The following OCA2 variants were observed in gnomAD, a reference collection of about 807,000 sequenced individuals.
OCA2 encodes OCA2 melanosomal transmembrane protein.
OCA2 carries 77 observed loss-of-function variants against 100.2 expected under a neutral mutation model. The ratio of observed to expected loss-of-function variants is 0.77; its 90% confidence interval spans 0.64 to 0.93. The LOEUF (loss-of-function observed/expected upper bound fraction) is 0.93, where lower values mean the gene tolerates loss of function less well. Among genes scored for constraint, OCA2 ranks in the 40% least tolerant of loss-of-function variants. The probability of loss-of-function intolerance (pLI) is 0.00; values close to 1 mark genes in which losing one functional copy is unlikely to be tolerated. For synonymous variants in OCA2, 432 were observed against 439.2 expected (o/e 0.98, Z 0.21); for missense variants, 1,062 against 1,089.1 (o/e 0.98, Z 0.35).
At chr15:27,749,726 C>T in the OCA2 span, among the ~76,000 whole-genome samples, 1 of 152,096 alleles carries the variant, frequency 6.6e-6, no homozygotes, top group Non-Finnish European at 1.5e-5. Flanking sequence ...ATTTAAAACA[C>T]AGTACCTTTC....
chr15:27,912,704 G>C (rs969660974), intron 19 of OCA2, among the ~76,000 whole-genome samples: 3 of 152,190 alleles, frequency 2.0e-5, no homozygotes, highest in African/African-American at 7.2e-5. Flanking sequence ...CAGTCATAAT[G>C]ATTAGAGGCA....
intron 14 of OCA2, among the ~76,000 whole-genome samples, chr15:27,967,715 C>T (rs560016448): frequency 2.8e-4 from 42 of 152,350 alleles, no homozygotes; most frequent in African/African-American, 1.0e-3. Context: ...CTTCCCGGCA[C>T]GCTTCCTTTG....
At chr15:27,871,117 TA>T (rs2036551404) in intron 21 of OCA2, 36 bp downstream of exon 21, 1 of 1,498,368 alleles carries the variant, frequency 6.7e-7, no homozygotes, top group African/African-American at 1.4e-5. Flanking sequence ...ATGTCCAGGC[TA>T]AAGTTGAGCC....
intron 23 of OCA2, among the ~76,000 whole-genome samples, chr15:27,768,037 C>T (rs368237575): frequency 2.6e-5 from 4 of 152,132 alleles, no homozygotes; most frequent in African/African-American, 7.2e-5. Context: ...CAGGAAGGCC[C>T]GGCTTCCAGC....
chr15:27,999,770 C>T (rs963377761), intron 9 of OCA2, among the ~76,000 whole-genome samples: 3 of 152,088 alleles, frequency 2.0e-5, no homozygotes, highest in Admixed American at 6.6e-5. Flanking sequence ...TCAGTAAATT[C>T]GTAGGATACA....
intron 9 of OCA2, among the ~76,000 whole-genome samples, chr15:28,011,788 C>T (rs907206417): frequency 3.3e-5 from 5 of 151,802 alleles, no homozygotes; most frequent in South Asian, 2.1e-4. Flanking sequence ...TGTGGTGGCA[C>T]GCACCTGTAG....
At chr15:27,734,394 A>G in the OCA2 span, among the ~76,000 whole-genome samples, 1 of 151,858 alleles carries the variant, frequency 6.6e-6, no homozygotes, top group Admixed American at 6.6e-5. Context: ...CATTACCCAC[A>G]TCATGCCTTT....
At chr15:27,963,564 G>A (rs2040472754) in intron 15 of OCA2, among the ~76,000 whole-genome samples, 1 of 152,002 alleles carries the variant, frequency 6.6e-6, no homozygotes, top group Non-Finnish European at 1.5e-5. Flanking sequence ...AAGATAATTT[G>A]AACTGAATGA....
chr15:27,771,752 A>G (rs1235235995), intron 23 of OCA2, among the ~76,000 whole-genome samples: 2 of 152,020 alleles, frequency 1.3e-5, no homozygotes, highest in Non-Finnish European at 2.9e-5. Context: ...CTGCTACTGT[A>G]TTCCCTTTTT....
intron 9 of OCA2, among the ~76,000 whole-genome samples, chr15:27,997,253 G>A (rs926233612): frequency 2.6e-5 from 4 of 151,510 alleles, no homozygotes; most frequent in Admixed American, 1.3e-4. Context: ...AAGAAAGAAA[G>A]AAAGAAAGGG....
chr15:27,838,280 C>A (rs982430261), intron 23 of OCA2, among the ~76,000 whole-genome samples: 5 of 152,026 alleles, frequency 3.3e-5, no homozygotes, highest in Non-Finnish European at 5.9e-5. Flanking sequence ...AGAAAAACAC[C>A]AAATCATGTA....
intron 3 of OCA2, among the ~76,000 whole-genome samples, chr15:28,028,560 A>G (rs1312986232): frequency 6.6e-6 from 1 of 152,156 alleles, no homozygotes; most frequent in African/African-American, 2.4e-5. Context: ...AAGAGGGAAC[A>G]TTCGTACCTG....
At chr15:28,083,425 C>T (rs144287480) in intron 1 of OCA2, among the ~76,000 whole-genome samples, 1 of 152,340 alleles carries the variant, frequency 6.6e-6, no homozygotes, top group African/African-American at 2.4e-5. Context: ...CACTCACAAA[C>T]CAGTGAGCCG....
chr15:27,953,357 G>GC (rs2040100603), intron 17 of OCA2, among the ~76,000 whole-genome samples: 1 of 152,092 alleles, frequency 6.6e-6, no homozygotes, highest in Non-Finnish European at 1.5e-5. Flanking sequence ...GTGAGCATCT[G>GC]CCCCTCCCTG....
At chr15:28,062,617 T>G (rs1235605628) in intron 2 of OCA2, among the ~76,000 whole-genome samples, 1 of 152,246 alleles carries the variant, frequency 6.6e-6, no homozygotes, top group African/African-American at 2.4e-5. Flanking sequence ...GCATCAAATC[T>G]AAGATACTGC....
At chr15:27,883,326 T>C (rs1335664735) in intron 19 of OCA2, among the ~76,000 whole-genome samples, 1 of 152,134 alleles carries the variant, frequency 6.6e-6, no homozygotes, top group Non-Finnish European at 1.5e-5. Context: ...TCAGAGTCCA[T>C]ATGTAGTTGA....
chr15:27,823,597 T>A (rs182774605), intron 23 of OCA2, among the ~76,000 whole-genome samples: 1 of 152,306 alleles, frequency 6.6e-6, no homozygotes, highest in African/African-American at 2.4e-5. Flanking sequence ...TTAACTGAGT[T>A]TTTTTACATT....
chr15:27,850,532 C>T (rs1286163050), intron 22 of OCA2, among the ~76,000 whole-genome samples: 1 of 152,118 alleles, frequency 6.6e-6, no homozygotes, highest in African/African-American at 2.4e-5. Flanking sequence ...ACAAGTTCTA[C>T]ACTCTCGGAA....
intron 2 of OCA2, among the ~76,000 whole-genome samples, chr15:28,036,298 T>A (rs1389542037): frequency 6.6e-6 from 1 of 152,206 alleles, no homozygotes; most frequent in African/African-American, 2.4e-5. Flanking sequence ...TTAGGATAGA[T>A]TCCTAGACGT....
Sources: gnomAD v4.1 joint callset for allele counts (sites outside exome capture counted in the v4.1 genomes callset) on GRCh38, gnomAD v4.1.1 for gene constraint, MANE v1.5 for transcripts, NCBI Gene and HGNC (gene_info 2026-07-23, HGNC 2026-07-21) for gene names.